Variants in PAM observed in about 807,000 individuals in gnomAD.
PAM encodes peptidylglycine alpha-amidating monooxygenase.
In PAM, 72 loss-of-function variants were observed where a neutral mutation model predicts 122.1. The observed-to-expected ratio is 0.59, with a 90% CI of 0.49 to 0.72. The LOEUF (loss-of-function observed/expected upper bound fraction) is 0.72. PAM is among the 30% of genes least tolerant of loss of function. The pLI, the probability that PAM is intolerant of heterozygous loss-of-function variation, is 0.00. For missense variants in PAM, 1,106 were observed against 1,183.7 expected, an observed-to-expected ratio of 0.93 and a Z score of 0.96; for synonymous variants, 389 against 404.4, an observed-to-expected ratio of 0.96 and a Z score of 0.46.
intron 14 of PAM, among the ~76,000 whole-genome samples, chr5:102,969,402 C>G (rs897335533): frequency 2.2e-4 from 33 of 152,084 alleles, no homozygotes; most frequent in African/African-American, 6.8e-4. Flanking sequence ...AATCACACAT[C>G]AGTTCCGTAG....
intron 6 of PAM, among the ~76,000 whole-genome samples, chr5:102,926,219 C>T (rs981523704): frequency 2.0e-4 from 31 of 152,192 alleles, no homozygotes; most frequent in Admixed American, 1.8e-3. Flanking sequence ...CTCAGCCTCC[C>T]GAGTAGCTGG....
chr5:102,796,294 T>A (rs1763363383), intron 1 of PAM, among the ~76,000 whole-genome samples: 1 of 152,156 alleles, frequency 6.6e-6, no homozygotes, highest in South Asian at 2.1e-4. Flanking sequence ...GGTTTGTCGG[T>A]CAATAGTCTA....
chr5:102,943,343 A>G (rs550617614), intron 7 of PAM, among the ~76,000 whole-genome samples: 56 of 152,322 alleles, frequency 3.7e-4, no homozygotes, highest in African/African-American at 1.2e-3. Flanking sequence ...AGCAGGAACT[A>G]CAAGCTATTA....
Position 102,832,437 on chromosome 5 carries a change from C to T in PAM, c.-373-33386C>T, listed in dbSNP as rs191271406. ...AAGACACCCCACTAGATTCCTGGAA[C>T]CATAATAGTACTGAATCCTATATAT... On this transcript the variant is annotated intron_variant, in intron 1 of 25. Transcript: ENST00000438793. Among the ~76,000 whole-genome samples the T allele has an allele frequency of 2.2e-3, 342 of 152,056 alleles. 1 individual carries two copies. The highest frequency in any genetic ancestry group is 7.8e-3 in the African/African-American group (322 of 41,458).
chr5:102,990,403 T>C lies in PAM; in HGVS notation c.1613+2T>C. On this transcript the variant is annotated splice_donor_variant, in intron 16 of 25. Coordinates refer to ENST00000438793, the MANE Select transcript of PAM (RefSeq NM_001177306.2). LOFTEE classifies it high-confidence loss of function. ...AGGTGACCATGTCTGGGATGGAAAGTAAGTAATATTTTTTCTTCAATAAGC... is the reference window on the plus strand; with the variant it reads ...AGGTGACCATGTCTGGGATGGAAAGCAAGTAATATTTTTTCTTCAATAAGC... 2 of 1,573,026 alleles carry C rather than the reference T, an allele frequency of 1.3e-6. No individual in the cohort carries two copies. Among genetic ancestry groups the C allele is most frequent in the Non-Finnish European group, 1.7e-6 (2 of 1,156,160 alleles).
At chr5:102,881,811 A>G (rs1299318480) in intron 3 of PAM, among the ~76,000 whole-genome samples, 2 of 150,924 alleles carry the variant, frequency 1.3e-5, no homozygotes, top group Non-Finnish European at 3.0e-5. Context: ...TGTACACTGT[A>G]CCCAGTGTGT....
intron 16 of PAM, among the ~76,000 whole-genome samples, chr5:102,998,482 A>T (rs1640289642): frequency 6.6e-6 from 1 of 152,224 alleles, no homozygotes; most frequent in African/African-American, 2.4e-5. Flanking sequence ...TAAAGTAGAT[A>T]GCACTTGGCA....
intron 1 of PAM, among the ~76,000 whole-genome samples, chr5:102,771,538 T>G (rs1755780499): frequency 1.3e-5 from 2 of 152,116 alleles, no homozygotes; most frequent in African/African-American, 4.8e-5. Context: ...ACAACAACCT[T>G]GGTGAAGATG....
intron 1 of PAM, among the ~76,000 whole-genome samples, chr5:102,831,493 A>G (rs917005033): frequency 2.6e-5 from 4 of 151,398 alleles, no homozygotes; most frequent in African/African-American, 4.9e-5. Context: ...TTTAACATAG[A>G]TTAAATCTTT....
chr5:102,899,082 C>T (rs1260179573), intron 3 of PAM, among the ~76,000 whole-genome samples: 1 of 151,568 alleles, frequency 6.6e-6, no homozygotes. Flanking sequence ...CCCTACCCTC[C>T]CTTTACCCCA....
intron 1 of PAM, among the ~76,000 whole-genome samples, chr5:102,756,855 G>T (rs923997666): frequency 6.6e-6 from 1 of 152,194 alleles, no homozygotes; most frequent in African/African-American, 2.4e-5. Context: ...ATTCCGCGAT[G>T]CACTCTGCTA....
intron 15 of PAM, among the ~76,000 whole-genome samples, chr5:102,978,083 A>AATCTC (rs1768348009): frequency 6.6e-6 from 1 of 152,202 alleles, no homozygotes; most frequent in Admixed American, 6.5e-5. Flanking sequence ...AGATTTTTAA[A>AATCTC]AATGAAATAC....
rs1478499907 is a variant in PAM, at chr5:102,803,132, AG to A, written c.-374+47785del. ...AGAGAGATTCTGTGTCCAAAAAAAA[AG>A]AAAGAAAGAAAGAAAGGAAGGAAGG... On this transcript the variant is annotated intron_variant, in intron 1 of 25. Transcript: ENST00000438793. 3.6e-4 allele frequency among the ~76,000 whole-genome samples: 49 copies of A among 135,894 alleles called. 1 individual carries two copies. The highest frequency in any genetic ancestry group is 9.9e-4 in the African/African-American group (33 of 33,252). 89.2% of individuals were successfully genotyped at this position (135,894 alleles called of 152,430 possible).
At chr5:102,881,129 T>TACACACACACAC (rs34434423) in intron 3 of PAM, among the ~76,000 whole-genome samples, 2,325 of 145,766 alleles carry the variant, frequency 0.016, 52 homozygotes, top group African/African-American at 0.054. Flanking sequence ...TTTTTATACA[T>TACACACACACAC]ACACACACAC....
upstream of PAM, chr5:102,755,033 T>G (rs558501547): frequency 6.6e-6 from 1 of 152,384 alleles, no homozygotes; most frequent in South Asian, 2.1e-4. Context: ...AGGGCTCCAC[T>G]TCCCAAGCTC....
At chr5:102,834,084 A>C (rs754862913) in intron 1 of PAM, among the ~76,000 whole-genome samples, 13 of 152,306 alleles carry the variant, frequency 8.5e-5, no homozygotes, top group Non-Finnish European at 1.6e-4. Context: ...ATTTGGTCAC[A>C]TAAAAGGTTT....
chr5:102,874,070 T>C (rs72783878), intron 3 of PAM, among the ~76,000 whole-genome samples: 1 of 152,190 alleles, frequency 6.6e-6, no homozygotes, highest in Admixed American at 6.5e-5. Context: ...GAAACTAATA[T>C]TATCTTCATT....
intron 1 of PAM, among the ~76,000 whole-genome samples, chr5:102,837,989 G>C (rs561760766): frequency 1.3e-5 from 2 of 152,056 alleles, no homozygotes; most frequent in African/African-American, 4.8e-5. Flanking sequence ...TCATTTTAAC[G>C]TAACATTTAA....
chr5:103,025,493 T>C, intron 24 of PAM, 159 bp downstream of exon 24: 9 of 670,106 alleles, frequency 1.3e-5, no homozygotes, highest in Non-Finnish European at 2.1e-5. Context: ...TTCCAAATAT[T>C]GCCCCTAGTT....
Sources: gnomAD v4.1 joint callset for allele counts (sites outside exome capture counted in the v4.1 genomes callset) on GRCh38, gnomAD v4.1.1 for gene constraint, MANE v1.5 for transcripts, NCBI Gene and HGNC (gene_info 2026-07-23, HGNC 2026-07-21) for gene names.